DZIP3: variants seen among roughly 807,000 people sequenced by gnomAD.
DZIP3 encodes DAZ interacting zinc finger protein 3, also known as E3 ubiquitin-protein ligase DZIP3.
Under a neutral mutation model 162.0 loss-of-function variants are expected in DZIP3, and 118 were observed. That is an observed-to-expected ratio of 0.73 (90% confidence interval 0.63 to 0.85). The LOEUF is 0.85. Ranked by LOEUF, DZIP3 falls within the 40% of genes least tolerant of loss-of-function variation. The pLI, the probability that DZIP3 is intolerant of heterozygous loss-of-function variation, is 0.00. For synonymous variants in DZIP3, 438 were observed against 458.6 expected (o/e 0.96, Z 0.57); for missense variants, 1,331 against 1,407.0 (o/e 0.95, Z 0.86).
At chr3:108,654,657 G>C (rs1377953873) in intron 19 of DZIP3, among the ~76,000 whole-genome samples, 2 of 151,912 alleles carry the variant, frequency 1.3e-5, no homozygotes, top group Admixed American at 1.3e-4. Flanking sequence ...GAGAAAAATA[G>C]TTTTGTAATA....
Position 108,611,336 on chromosome 3 carries a change from T to C in DZIP3, c.258+7T>C, listed in dbSNP as rs1940696642. 2.5e-6 allele frequency: 4 copies of C among 1,610,220 alleles called. No individual in the cohort carries two copies. The East Asian group carries it at 8.9e-5, about 36-fold the overall frequency. On this transcript the variant is annotated splice_region_variant and intron_variant, in intron 4 of 32. Coordinates refer to ENST00000361582, the MANE Select transcript of DZIP3 (RefSeq NM_014648.4). ...TTCCTTCCAAACTATGCAGGTAACG[T>C]CATAAGTTGTTATTTGGGGCAGAAG...
intron 20 of DZIP3, 25 bp downstream of exon 20, chr3:108,661,997 G>A: frequency 1.2e-6 from 2 of 1,602,900 alleles, no homozygotes; most frequent in Non-Finnish European, 1.7e-6. Context: ...CATTAGATCT[G>A]ATGGAAGTGA....
intron 10 of DZIP3, 90 bp from the exon 11 acceptor site, chr3:108,636,525 AT>A: frequency 1.2e-6 from 1 of 820,172 alleles, no homozygotes; most frequent in Non-Finnish European, 1.8e-6. Context: ...GTCTAGCAAC[AT>A]TTGCTTCTAA....
chr3:108,645,599 T>C (rs1559754085), intron 14 of DZIP3, among the ~76,000 whole-genome samples: 1 of 152,206 alleles, frequency 6.6e-6, no homozygotes, highest in African/African-American at 2.4e-5. Context: ...AACCCTGCTG[T>C]GCTATTCAGG....
chr3:108,631,055 A>ACACACTCT lies in DZIP3; in HGVS notation c.696+1880_696+1881insACACTCTC. On this transcript the variant is annotated intron_variant, in intron 8 of 32. Transcript: ENST00000361582. Reference sequence around the variant, plus strand: ...CACACACACACACACACACACACACACTCTCTCTCTCTCTCTCTCTCTCTC... The same window carrying ACACACTCT: ...CACACACACACACACACACACACACACACACTCTCTCTCTCTCTCTCTCTCTCTCTCTC... 1.4e-3 allele frequency among the ~76,000 whole-genome samples: 26 copies of ACACACTCT among 18,012 alleles called. 1 individual carries two copies. Among genetic ancestry groups the ACACACTCT allele is most frequent in the Admixed American group, 6.8e-3 (8 of 1,178 alleles). The allele number at this position is 18,012 out of a possible 152,430, so 11.8% of individuals were successfully genotyped here.
intron 21 of DZIP3, among the ~76,000 whole-genome samples, chr3:108,668,402 C>T (rs974883359): frequency 1.3e-5 from 2 of 151,974 alleles, no homozygotes; most frequent in African/African-American, 4.8e-5. Flanking sequence ...GTAGCTGACT[C>T]TTATCTGAGC....
At chr3:108,592,466 G>A (rs1939474792) in intron 1 of DZIP3, among the ~76,000 whole-genome samples, 1 of 152,102 alleles carries the variant, frequency 6.6e-6, no homozygotes, top group African/African-American at 2.4e-5. Flanking sequence ...GGCTGAGGCA[G>A]GAGGATCTCT....
intron 1 of DZIP3, among the ~76,000 whole-genome samples, chr3:108,595,836 G>A (rs953035401): frequency 1.3e-5 from 2 of 152,164 alleles, no homozygotes; most frequent in Admixed American, 6.5e-5. Context: ...TTATACCGGG[G>A]TGTGAACACA....
intron 3 of DZIP3, among the ~76,000 whole-genome samples, chr3:108,609,073 CTT>C (rs2107498600): frequency 6.6e-6 from 1 of 152,158 alleles, no homozygotes; most frequent in Admixed American, 6.6e-5. Flanking sequence ...TGTGGGAACT[CTT>C]ATCATGCGAC....
intron 12 of DZIP3, among the ~76,000 whole-genome samples, chr3:108,639,621 C>G (rs1455217782): frequency 2.0e-5 from 3 of 151,040 alleles, no homozygotes; most frequent in Admixed American, 2.0e-4. Context: ...CCAAAGAGAC[C>G]TTTTCTCTGT....
At chr3:108,681,091 C>G (rs765644011) in intron 26 of DZIP3, among the ~76,000 whole-genome samples, 6 of 152,072 alleles carry the variant, frequency 3.9e-5, no homozygotes, top group Non-Finnish European at 8.8e-5. Context: ...AAAGCCAAAA[C>G]TGACAAATGG....
intron 1 of DZIP3, among the ~76,000 whole-genome samples, chr3:108,605,011 A>G (rs1422767335): frequency 2.0e-5 from 3 of 152,220 alleles, no homozygotes; most frequent in Admixed American, 2.0e-4. Flanking sequence ...CCAATCAACC[A>G]GCTGTTGTAT....
chr3:108,684,176 G>GGT lies in DZIP3; in HGVS notation c.2884-39_2884-38insTG, dbSNP rs1226757017. The stretch of plus-strand genomic sequence containing the variant: ...CTAAATAAATATATAAATATGTGGG[G>GGT]GGGGGTGTTGTTTATTATTGTTTAT... On this transcript the variant is annotated intron_variant, in intron 26 of 32. Transcript: ENST00000361582. The GGT allele has an allele frequency of 3.2e-6, 5 of 1,559,356 alleles. No homozygotes were observed. The African/African-American group carries it at 6.9e-5, about 22-fold the overall frequency.
At chr3:108,649,220 A>G (rs1007006869) in intron 17 of DZIP3, among the ~76,000 whole-genome samples, 1 of 151,912 alleles carries the variant, frequency 6.6e-6, no homozygotes, top group African/African-American at 2.4e-5. Context: ...AATTAGTCAC[A>G]TGGAAATTTC....
intron 19 of DZIP3, among the ~76,000 whole-genome samples, chr3:108,656,229 C>T (rs1013853005): frequency 3.9e-5 from 6 of 152,242 alleles, no homozygotes; most frequent in Non-Finnish European, 5.9e-5. Context: ...AGTAGCCTAA[C>T]TGGGTGGCAT....
chr3:108,688,036 A>G lies in DZIP3; in HGVS notation c.3210A>G (p.Glu1070=). Reference sequence around the variant, plus strand: ...ATGCTTATGGAAAATCCTTGTCTGAACTGACATTTGATGAAATTGTTTGCA... The same window carrying G: ...ATGCTTATGGAAAATCCTTGTCTGAGCTGACATTTGATGAAATTGTTTGCA... ...LKDAYGKSLS[E]LTFDEIVCKI... The change falls in exon 29 of 33, where the codon GAA becomes GAG. Residue 1070 remains glutamate (E), a synonymous_variant. Transcript: ENST00000361582. 6.2e-7 allele frequency: 1 copy of G among 1,613,736 alleles called. No individual in the cohort carries two copies. The highest frequency in any genetic ancestry group is 8.5e-7 in the Non-Finnish European group (1 of 1,179,796).
chr3:108,607,452 G>T (rs1186485154), intron 2 of DZIP3, among the ~76,000 whole-genome samples: 1 of 152,072 alleles, frequency 6.6e-6, no homozygotes, highest in South Asian at 2.1e-4. Flanking sequence ...CCTATATTAT[G>T]GTGCCTTTAT....
chr3:108,618,098 G>T (rs1232748280), intron 5 of DZIP3, among the ~76,000 whole-genome samples: 4 of 152,192 alleles, frequency 2.6e-5, no homozygotes, highest in Admixed American at 2.6e-4. Flanking sequence ...TTATGGGGGT[G>T]CAGTTGCGAA....
Position 108,629,109 on chromosome 3 carries a change from G to C in DZIP3, c.629G>C (p.Gly210Ala). Residue 210 changes from glycine to alanine, a missense_variant, in exon 8 of 33, where the codon GGA becomes GCA. Physicochemically the swap from Gly to Ala is moderately conservative, Grantham distance 60. This residue lies in a region of DZIP3 where 1,278 missense variants were observed against 1,317.1 expected (regional missense o/e 0.97). Transcript: ENST00000361582. ...LEFHKSLQEI[G>A]DKNDHWFDID... The stretch of plus-strand genomic sequence containing the variant: ...TTTCATAAAAGCTTACAAGAAATTG[G>C]AGACAAAAATGACCATTGGTTTGAC... The C allele has an allele frequency of 6.2e-7, 1 of 1,603,520 alleles. No homozygotes were observed. Among genetic ancestry groups the C allele is most frequent in the Non-Finnish European group, 8.5e-7 (1 of 1,176,612 alleles).
Sources: gnomAD v4.1 joint callset for allele counts (sites outside exome capture counted in the v4.1 genomes callset) on GRCh38, gnomAD v4.1.1 for gene constraint, gnomAD v4.1.1 regional missense constraint, MANE v1.5 for transcripts, NCBI Gene and HGNC (gene_info 2026-07-23, HGNC 2026-07-21) for gene names.